Variants in THADA observed in about 807,000 individuals in gnomAD.
THADA encodes THADA armadillo repeat containing, also known as tRNA (32-2'-O)-methyltransferase regulator THADA.
Under a neutral mutation model 219.8 loss-of-function variants are expected in THADA, and 213 were observed. The ratio of observed to expected loss-of-function variants is 0.97; its 90% CI spans 0.87 to 1.09. The LOEUF (loss-of-function observed/expected upper bound fraction) is 1.09, where lower values mean the gene tolerates loss of function less well. THADA is among the 50% of genes least tolerant of loss of function. The probability of loss-of-function intolerance (pLI) is 0.00; values close to 1 mark genes in which losing one functional copy is unlikely to be tolerated. For synonymous variants in THADA, 1,018 were observed against 828.9 expected (o/e 1.23, Z -3.92); for missense variants, 2,956 against 2,311.3 (o/e 1.28, Z -5.72).
At chr2:43,421,410 G>C (rs1677703274) in intron 28 of THADA, among the ~76,000 whole-genome samples, 1 of 152,146 alleles carries the variant, frequency 6.6e-6, no homozygotes, top group African/African-American at 2.4e-5. Flanking sequence ...CACAGACCAG[G>C]TAGAGTGCTG....
chr2:43,457,818 T>G (rs1025621714), intron 26 of THADA, among the ~76,000 whole-genome samples: 1 of 152,180 alleles, frequency 6.6e-6, no homozygotes, highest in African/African-American at 2.4e-5. Flanking sequence ...TTCCACTTCC[T>G]GTCTTTGCCC....
intron 24 of THADA, among the ~76,000 whole-genome samples, chr2:43,503,561 G>A (rs2105078323): frequency 6.6e-6 from 1 of 152,222 alleles, no homozygotes; most frequent in South Asian, 2.1e-4. Context: ...AGATGTGGAA[G>A]AATCCACAGC....
chr2:43,527,357 G>T (rs2103724841), intron 22 of THADA, among the ~76,000 whole-genome samples: 1 of 152,250 alleles, frequency 6.6e-6, no homozygotes, highest in East Asian at 1.9e-4. Flanking sequence ...ATAATGTCAA[G>T]AAATACATTT....
intron 31 of THADA, among the ~76,000 whole-genome samples, chr2:43,295,355 G>A (rs1442453115): frequency 6.6e-6 from 1 of 152,226 alleles, no homozygotes; most frequent in Admixed American, 6.5e-5. Context: ...TGCCTCAAAC[G>A]CTCTTCCAGG....
intron 4 of THADA, among the ~76,000 whole-genome samples, chr2:43,589,540 T>C (rs1701336805): frequency 1.3e-5 from 2 of 152,166 alleles, no homozygotes; most frequent in East Asian, 1.9e-4. Context: ...CACTGCAATA[T>C]GAATACACTT....
intron 28 of THADA, among the ~76,000 whole-genome samples, chr2:43,420,942 G>A (rs1002317487): frequency 6.6e-6 from 1 of 152,218 alleles, no homozygotes; most frequent in African/African-American, 2.4e-5. Context: ...AAAGGAGGCA[G>A]AGTAAGTAGC....
At chr2:43,523,476 T>G (rs1342988312) in intron 22 of THADA, among the ~76,000 whole-genome samples, 2 of 152,236 alleles carry the variant, frequency 1.3e-5, no homozygotes, top group African/African-American at 4.8e-5. Context: ...ATTTATTTAT[T>G]TCTCAACTGC....
At position 43,498,915 on chromosome 2, in the gene THADA, G is replaced by GT; in HGVS notation, c.3661dup (p.Thr1221AsnfsTer13). The GT allele has an allele frequency of 1.3e-6, 2 of 1,593,662 alleles. No individual in the cohort carries two copies. Among genetic ancestry groups the GT allele is most frequent in the Non-Finnish European group, 1.7e-6 (2 of 1,169,490 alleles). ...AGGAATAATATTTTCTCCCAGGCGC[G>GT]TATCTCTGAACAATGCTCTAAGGAT... On this transcript the variant is annotated frameshift_variant, in exon 25 of 38. Coordinates refer to ENST00000405975, the MANE Select transcript of THADA (RefSeq NM_022065.5). LOFTEE classifies it high-confidence loss of function.
intron 36 of THADA, among the ~76,000 whole-genome samples, chr2:43,266,811 T>C (rs1671577370): frequency 6.6e-6 from 1 of 152,092 alleles, no homozygotes. Context: ...TCGCGACACT[T>C]AACCAGGTTG....
rs568800842 is a variant in THADA at position 43,480,828 on chromosome 2, A to G, written c.3836+4406T>C. Among the ~76,000 whole-genome samples the G allele has an allele frequency of 1.0e-3, 158 of 151,624 alleles. 1 individual carries two copies. Among genetic ancestry groups the G allele is most frequent in the Middle Eastern group, 3.4e-3 (1 of 292 alleles). ...GCGAGACTCTGTCTTGGGGGGGAAA[A>G]AAAAAAAAAAGAAAAAAAAATTACC... On this transcript the variant is annotated intron_variant, in intron 26 of 37. Transcript: ENST00000405975.
chr2:43,293,330 A>G (rs1674972690), intron 31 of THADA, 117 bp from the exon 32 acceptor site: 1 of 1,187,364 alleles, frequency 8.4e-7, no homozygotes, highest in African/African-American at 1.5e-5. Flanking sequence ...TCCCATAAGC[A>G]GATTTCAAAC....
intron 26 of THADA, among the ~76,000 whole-genome samples, chr2:43,482,842 G>T (rs112714112): frequency 0.017 from 2,639 of 152,270 alleles, 68 homozygotes; most frequent in African/African-American, 0.059. Context: ...CTTCCAATAT[G>T]TTAAAGAAAA....
chr2:43,577,570 T>C (rs565983034), intron 9 of THADA, among the ~76,000 whole-genome samples: 30 of 151,826 alleles, frequency 2.0e-4, no homozygotes, highest in African/African-American at 6.5e-4. Flanking sequence ...ATTTGAGAAA[T>C]AAACATCTTC....
chr2:43,537,887 T>A (rs191570640), intron 21 of THADA, among the ~76,000 whole-genome samples: 4 of 142,246 alleles, frequency 2.8e-5, no homozygotes, highest in African/African-American at 8.0e-5. Flanking sequence ...CTGAAGTGAG[T>A]CAAAATGGAA....
chr2:43,345,649 C>T lies in THADA; in HGVS notation c.4228-1412G>A, dbSNP rs751548957. 1.9e-4 allele frequency among the ~76,000 whole-genome samples: 29 copies of T among 152,152 alleles called. 1 individual carries two copies. The highest frequency in any genetic ancestry group is 1.5e-3 in the Admixed American group (23 of 15,266). On this transcript the variant is annotated intron_variant, in intron 29 of 37. Coordinates refer to ENST00000405975, the MANE Select transcript of THADA (RefSeq NM_022065.5). ...ACTGCCAGAGGGAAAAAATACCTTC[C>T]TCAGCCTGAATCCCCACTGTCCTGA...
intron 29 of THADA, among the ~76,000 whole-genome samples, chr2:43,384,669 A>G (rs965044209): frequency 1.3e-5 from 2 of 152,210 alleles, no homozygotes; most frequent in African/African-American, 2.4e-5. Context: ...TCTTTTCAGT[A>G]TAAGAAAAAT....
intron 29 of THADA, among the ~76,000 whole-genome samples, chr2:43,395,378 G>C (rs970537404): frequency 3.9e-5 from 6 of 152,276 alleles, no homozygotes; most frequent in South Asian, 2.1e-4. Context: ...GATAATTTTT[G>C]AGCCACAATG....
intron 26 of THADA, among the ~76,000 whole-genome samples, chr2:43,435,113 C>T (rs182825526): frequency 1.0e-3 from 157 of 152,286 alleles, no homozygotes; most frequent in Admixed American, 2.2e-3. Flanking sequence ...TTCACTACTA[C>T]GTATACAAAT....
chr2:43,382,232 G>A (rs1439385436), intron 29 of THADA, among the ~76,000 whole-genome samples: 1 of 152,176 alleles, frequency 6.6e-6, no homozygotes, highest in Non-Finnish European at 1.5e-5. Context: ...AATAAAACGT[G>A]TGGCGTTAAC....
Sources: allele counts gnomAD v4.1 joint callset (sites outside exome capture counted in the v4.1 genomes callset), GRCh38; gene constraint gnomAD v4.1.1; transcripts MANE v1.5; gene names NCBI Gene and HGNC (gene_info 2026-07-23, HGNC 2026-07-21).